The following HMGCLL1 variants were observed in gnomAD, a reference collection of about 807,000 sequenced individuals.
HMGCLL1 encodes 3-hydroxymethyl-3-methylglutaryl-CoA lyase, cytoplasmic.
A neutral mutation model predicts 39.1 loss-of-function variants in HMGCLL1; 36 were observed. The ratio of observed to expected loss-of-function variants is 0.92; its 90% CI spans 0.71 to 1.22. The LOEUF is 1.22. Ranked by LOEUF, HMGCLL1 falls within the 50% of genes most tolerant of loss-of-function variation. HMGCLL1 has a pLI of 0.00. For synonymous variants in HMGCLL1, 149 were observed against 144.0 expected (o/e 1.03, Z -0.25); for missense variants, 451 against 416.5 (o/e 1.08, Z -0.72).
chr6:55,514,141 C>T lies in HMGCLL1; in HGVS notation c.449G>A (p.Ser150Asn), dbSNP rs759709123. Residue 150 changes from serine (S) to asparagine (N), a missense_variant, in exon 5 of 9, where the codon AGC (serine) becomes AAC (asparagine). By Grantham distance (46) the Ser-to-Asn change is conservative. Coordinates refer to ENST00000274901, the MANE Select transcript of HMGCLL1 (RefSeq NM_001042406.2). ...SVFGAASESF[S>N]KKNINCSIEE... ...AATGGAACAGTTAATATTCTTCTTG[C>T]TAAAGGATTCAGATGCAGCTCCAAA... is the stretch of plus-strand genomic sequence containing the variant. 2 of 1,612,510 alleles carry T rather than the reference C, an allele frequency of 1.2e-6. No individual in the cohort carries two copies. Among genetic ancestry groups the T allele is most frequent in the Admixed American group, 1.7e-5 (1 of 59,848 alleles).
intron 7 of HMGCLL1, among the ~76,000 whole-genome samples, chr6:55,443,357 G>A (rs1763685628): frequency 6.6e-6 from 1 of 152,152 alleles, no homozygotes; most frequent in Admixed American, 6.6e-5. Flanking sequence ...AGCCCGAAAT[G>A]TGGATGATTC....
At chr6:55,627,049 GA>G in the HMGCLL1 span, among the ~76,000 whole-genome samples, 27,686 of 84,384 alleles carry the variant, frequency 0.33, 2,748 homozygotes, top group Middle Eastern at 0.39. Flanking sequence ...CACTCCACCA[GA>G]AAAAAAAAAA....
intron 1 of HMGCLL1, among the ~76,000 whole-genome samples, chr6:55,559,779 T>C (rs977821084): frequency 6.6e-6 from 1 of 152,164 alleles, no homozygotes; most frequent in Admixed American, 6.6e-5. Context: ...CTCTCAGGGA[T>C]GATTATGAAG....
chr6:55,651,133 C>A, the HMGCLL1 span, among the ~76,000 whole-genome samples: 1 of 152,096 alleles, frequency 6.6e-6, no homozygotes, highest in East Asian at 1.9e-4. Flanking sequence ...AGCCACCACA[C>A]CTGCAAATGT....
the HMGCLL1 span, among the ~76,000 whole-genome samples, chr6:55,649,367 G>A: frequency 6.7e-6 from 1 of 148,486 alleles, no homozygotes; most frequent in African/African-American, 2.5e-5. Context: ...CATATATAGG[G>A]TAAAAGGTTT....
intron 3 of HMGCLL1, among the ~76,000 whole-genome samples, chr6:55,537,356 G>A (rs1341147553): frequency 5.9e-5 from 9 of 152,158 alleles, no homozygotes; most frequent in Non-Finnish European, 1.3e-4. Context: ...AAATTGGAAT[G>A]TATATAACTA....
intron 1 of HMGCLL1, among the ~76,000 whole-genome samples, chr6:55,561,887 T>C (rs1770966421): frequency 6.6e-6 from 1 of 152,126 alleles, no homozygotes; most frequent in Non-Finnish European, 1.5e-5. Flanking sequence ...CCATTCCAGG[T>C]AGGTCTTCTC....
chr6:55,646,763 A>G, the HMGCLL1 span, among the ~76,000 whole-genome samples: 1 of 151,912 alleles, frequency 6.6e-6, no homozygotes, highest in African/African-American at 2.4e-5. Context: ...AAGATACTTG[A>G]TATTATTTCA....
chr6:55,650,133 A>ATATATAT, the HMGCLL1 span, among the ~76,000 whole-genome samples: 91 of 67,186 alleles, frequency 1.4e-3, 3 homozygotes, highest in Admixed American at 2.3e-3. Flanking sequence ...ATATATATAT[A>ATATATAT]TACACACACA....
intron 5 of HMGCLL1, chr6:55,513,333 G>A (rs1264070550): frequency 6.6e-6 from 1 of 152,132 alleles, no homozygotes; most frequent in Non-Finnish European, 1.5e-5. Flanking sequence ...AGAATGAACA[G>A]CTGATAAGTT....
At chr6:55,444,730 A>G (rs1763741949) in intron 7 of HMGCLL1, among the ~76,000 whole-genome samples, 1 of 152,080 alleles carries the variant, frequency 6.6e-6, no homozygotes, top group Admixed American at 6.6e-5. Flanking sequence ...ACCTAAGTAG[A>G]AAAAGTAAAA....
chr6:55,641,882 A>T, the HMGCLL1 span, among the ~76,000 whole-genome samples: 4 of 1,600 alleles, frequency 2.5e-3, no homozygotes, highest in South Asian at 0.013. Context: ...TTTTATTTTT[A>T]TTTATTTATT....
intron 7 of HMGCLL1, among the ~76,000 whole-genome samples, chr6:55,465,720 A>C (rs1277631999): frequency 6.6e-6 from 1 of 152,014 alleles, no homozygotes; most frequent in Non-Finnish European, 1.5e-5. Context: ...TTTCTCCTCT[A>C]ATCTGGTAAC....
chr6:55,587,120 C>T, the HMGCLL1 span, among the ~76,000 whole-genome samples: 10 of 151,960 alleles, frequency 6.6e-5, no homozygotes, highest in Admixed American at 2.0e-4. Flanking sequence ...AATGTGGTTT[C>T]GATTTGCATT....
intron 1 of HMGCLL1, among the ~76,000 whole-genome samples, chr6:55,577,974 C>A (rs1439599145): frequency 6.6e-6 from 1 of 152,052 alleles, no homozygotes; most frequent in African/African-American, 2.4e-5. Context: ...GATAAGATTG[C>A]AATTTCACAT....
At chr6:55,642,358 G>C in the HMGCLL1 span, among the ~76,000 whole-genome samples, 2 of 151,542 alleles carry the variant, frequency 1.3e-5, no homozygotes, top group Non-Finnish European at 2.9e-5. Context: ...GAATAATGCC[G>C]CACTTAATCA....
intron 7 of HMGCLL1, among the ~76,000 whole-genome samples, chr6:55,447,012 A>C (rs569833002): frequency 1.1e-4 from 17 of 152,154 alleles, no homozygotes; most frequent in Admixed American, 2.6e-4. Context: ...ATGAATATTC[A>C]TATAGAATAA....
At chr6:55,587,408 C>A in the HMGCLL1 span, among the ~76,000 whole-genome samples, 1 of 151,984 alleles carries the variant, frequency 6.6e-6, no homozygotes, top group South Asian at 2.1e-4. Context: ...ACAACAGCTC[C>A]TGAAGGAAGC....
intron 7 of HMGCLL1, among the ~76,000 whole-genome samples, chr6:55,477,234 ATTATATTT>A (rs1765388174): frequency 1.9e-4 from 4 of 20,694 alleles, no homozygotes; most frequent in South Asian, 1.4e-3. Context: ...TATAATATAT[ATTATATTT>A]ATATAATATA....
Sources: allele counts gnomAD v4.1 joint callset (sites outside exome capture counted in the v4.1 genomes callset), GRCh38; gene constraint gnomAD v4.1.1; transcripts MANE v1.5; gene names NCBI Gene and HGNC (gene_info 2026-07-23, HGNC 2026-07-21).